PTPRN2: variants seen among roughly 807,000 people sequenced by gnomAD.
The protein encoded by PTPRN2 is protein tyrosine phosphatase receptor type N2.
PTPRN2 carries 74 observed loss-of-function variants against 118.8 expected under a neutral mutation model. That is an observed-to-expected ratio of 0.62 (90% CI 0.52 to 0.76). The LOEUF (loss-of-function observed/expected upper bound fraction) is 0.76, where lower values mean the gene tolerates loss of function less well. Ranked by LOEUF, PTPRN2 falls within the 30% of genes least tolerant of loss-of-function variation. The probability of loss-of-function intolerance (pLI) is 0.00; values close to 1 mark genes in which losing one functional copy is unlikely to be tolerated. For missense variants in PTPRN2, 1,481 were observed against 1,394.4 expected (o/e 1.06, Z -0.99); for synonymous variants, 641 against 608.0 (o/e 1.05, Z -0.80).
intron 15 of PTPRN2, among the ~76,000 whole-genome samples, chr7:157,605,983 G>A (rs1411781278): frequency 2.6e-5 from 4 of 152,226 alleles, no homozygotes; most frequent in Non-Finnish European, 5.9e-5. Flanking sequence ...GTCTCCTGCT[G>A]CCATTCATGG....
chr7:158,554,871 T>C (rs1002728451), intron 1 of PTPRN2, among the ~76,000 whole-genome samples: 1 of 152,154 alleles, frequency 6.6e-6, no homozygotes, highest in East Asian at 1.9e-4. Context: ...CCCCTCTATA[T>C]GATGGGGTTT....
rs1300831825 is a variant in PTPRN2 at position 157,686,047 on chromosome 7, G to A, written c.1789-3110C>T. Among the ~76,000 whole-genome samples the A allele has an allele frequency of 1.3e-5, 2 of 152,346 alleles. 1 individual carries two copies. The highest frequency in any genetic ancestry group is 4.1e-4 in the South Asian group (2 of 4,832). On this transcript the variant is annotated intron_variant, in intron 12 of 22. Transcript: ENST00000389418. ...GCGGGACCTGGACAGCCGGGGAGTC[G>A]TGACCGCGGGCAGCGCCGGGGCTGA...
At chr7:158,062,594 G>A (rs1449907063) in intron 11 of PTPRN2, among the ~76,000 whole-genome samples, 1 of 152,164 alleles carries the variant, frequency 6.6e-6, no homozygotes, top group Non-Finnish European at 1.5e-5. Flanking sequence ...GCAGGAACTG[G>A]GGCTGTGCGT....
Position 157,598,057 on chromosome 7 carries a change from C to A in PTPRN2, c.2419-2742G>T, listed in dbSNP as rs775644025. Among the ~76,000 whole-genome samples, 7 of 152,206 alleles carry A rather than the reference C, an allele frequency of 4.6e-5. No individual in the cohort carries two copies. The highest frequency in any genetic ancestry group is 7.3e-5 in the Non-Finnish European group (5 of 68,036). ...TCAAGCAAATACTTAACTGGCCACA[C>A]AGAGATTTTACTACATTTAAGGTTT... On this transcript the variant is annotated intron_variant, in intron 16 of 22. Transcript: ENST00000389418. The surrounding 1 kb of genome is among the most constrained non-coding windows in gnomAD (Gnocchi z 5.2).
chr7:157,902,539 G>A (rs552243346), intron 11 of PTPRN2, among the ~76,000 whole-genome samples: 60 of 138,242 alleles, frequency 4.3e-4, no homozygotes, highest in Middle Eastern at 3.9e-3. Flanking sequence ...TGGAGAGCAC[G>A]TGGGGACCAG....
intron 2 of PTPRN2, among the ~76,000 whole-genome samples, chr7:158,334,147 A>G (rs1586326196): frequency 2.6e-4 from 5 of 19,294 alleles, no homozygotes; most frequent in Admixed American, 8.5e-4. Context: ...AAGAGGTGAC[A>G]CATGCAGACG....
chr7:158,145,130 T>A (rs1203815859), intron 6 of PTPRN2, among the ~76,000 whole-genome samples: 1 of 147,188 alleles, frequency 6.8e-6, no homozygotes, highest in African/African-American at 2.5e-5. Flanking sequence ...CGCGAGAAGG[T>A]TCCAGAATAC....
intron 2 of PTPRN2, among the ~76,000 whole-genome samples, chr7:158,350,341 G>A (rs554079743): frequency 6.7e-4 from 102 of 152,260 alleles, no homozygotes; most frequent in African/African-American, 2.1e-3. Flanking sequence ...GCTGGTTGCC[G>A]TGTTCCCAGG....
intron 9 of PTPRN2, among the ~76,000 whole-genome samples, chr7:158,113,024 G>A (rs552843687): frequency 6.0e-5 from 9 of 150,336 alleles, no homozygotes; most frequent in East Asian, 2.0e-4. Context: ...AGGGCCCCCC[G>A]GCATTTAGGG....
intron 12 of PTPRN2, among the ~76,000 whole-genome samples, chr7:157,818,836 G>A (rs901322658): frequency 6.6e-6 from 1 of 152,028 alleles, no homozygotes; most frequent in Non-Finnish European, 1.5e-5. Context: ...CAGGCACATG[G>A]CACTCCAGCC....
intron 2 of PTPRN2, among the ~76,000 whole-genome samples, chr7:158,399,693 G>A (rs1024143895): frequency 2.6e-5 from 4 of 152,016 alleles, no homozygotes; most frequent in African/African-American, 7.2e-5. Flanking sequence ...AAAGAAACAA[G>A]GGAATGGAAG....
chr7:158,422,387 C>A (rs980519004), intron 2 of PTPRN2, among the ~76,000 whole-genome samples: 1 of 152,194 alleles, frequency 6.6e-6, no homozygotes, highest in Admixed American at 6.5e-5. Flanking sequence ...GCTTCCAACA[C>A]CATCTGATTT....
In PTPRN2 at chr7:157,850,386, G is replaced by C. The variant is rs563499450; in HGVS notation, c.1788+48287C>G. Among the ~76,000 whole-genome samples, 5 of 150,126 alleles carry C rather than the reference G, an allele frequency of 3.3e-5. No individual in the cohort carries two copies. In the East Asian group the frequency reaches 9.9e-4, roughly 30 times the overall value. ...TCTCCGAATTTCCATTTCCGACGTG[G>C]GGTGCCTCAGGCTCGTGTAAGGGAT... is the stretch of plus-strand genomic sequence containing the variant. On this transcript the variant is annotated intron_variant, in intron 12 of 22. Transcript: ENST00000389418.
Position 158,183,976 on chromosome 7 carries a change from GTGC to G in PTPRN2, c.549+8348_549+8350del, listed in dbSNP as rs891838312. ...TTGAAAAAAAATGCCCATTTTTAAT[GTGC>G]TGCTTTTTTAGTTTTTAGAGATTTT... On this transcript the variant is annotated intron_variant, in intron 5 of 22. Transcript: ENST00000389418. 2.6e-3 allele frequency among the ~76,000 whole-genome samples: 392 copies of G among 151,550 alleles called. 1 individual carries two copies. The highest frequency in any genetic ancestry group is 9.1e-3 in the African/African-American group (376 of 41,386).
At chr7:157,896,606 CG>C (rs1797138586) in intron 12 of PTPRN2, among the ~76,000 whole-genome samples, 1 of 151,320 alleles carries the variant, frequency 6.6e-6, no homozygotes, top group African/African-American at 2.4e-5. Flanking sequence ...AGTGGGCAGC[CG>C]GGGAGGTGCT....
intron 3 of PTPRN2, among the ~76,000 whole-genome samples, chr7:158,285,285 T>C (rs1161816807): frequency 2.6e-5 from 4 of 152,118 alleles, no homozygotes; most frequent in Admixed American, 6.5e-5. Context: ...TCCTGTGCTA[T>C]GTAGGGACAG....
intron 12 of PTPRN2, among the ~76,000 whole-genome samples, chr7:157,820,613 A>G (rs1363410479): frequency 2.0e-5 from 3 of 150,580 alleles, no homozygotes; most frequent in Non-Finnish European, 4.4e-5. Flanking sequence ...ATTCTTACAC[A>G]TGCACACAGC....
intron 13 of PTPRN2, among the ~76,000 whole-genome samples, chr7:157,680,058 T>C (rs1481526779): frequency 1.3e-5 from 2 of 152,220 alleles, no homozygotes; most frequent in African/African-American, 4.8e-5. Flanking sequence ...TATTCTGATA[T>C]TAATAAAACT....
intron 9 of PTPRN2, among the ~76,000 whole-genome samples, chr7:158,126,069 G>A (rs372260146): frequency 8.0e-3 from 1,121 of 140,770 alleles, no homozygotes; most frequent in Middle Eastern, 0.012. Flanking sequence ...GACAGCGGGC[G>A]GCGGAACTTC....
Sources: gnomAD v4.1 joint callset for allele counts (sites outside exome capture counted in the v4.1 genomes callset) on GRCh38, gnomAD v4.1.1 for gene constraint, Gnocchi (gnomAD v3.1) non-coding constraint, MANE v1.5 for transcripts, NCBI Gene and HGNC (gene_info 2026-07-23, HGNC 2026-07-21) for gene names.